WSCD1: variants seen among roughly 807,000 people sequenced by gnomAD.
WSCD1 encodes WSC domain sialate O sulfotransferase 1.
Under a neutral mutation model 60.4 loss-of-function variants are expected in WSCD1, and 41 were observed. The observed-to-expected ratio is 0.68, with a 90% CI of 0.53 to 0.88. WSCD1 has a LOEUF of 0.88. Ranked by LOEUF, WSCD1 falls within the 40% of genes least tolerant of loss-of-function variation. The pLI, the probability that WSCD1 is intolerant of heterozygous loss-of-function variation, is 0.00. For missense variants in WSCD1, 784 were observed against 796.2 expected (o/e 0.98, Z 0.18); for synonymous variants, 361 against 332.5 (o/e 1.09, Z -0.93).
intron 2 of WSCD1, among the ~76,000 whole-genome samples, chr17:6,083,351 C>A (rs1053106867): frequency 6.6e-6 from 1 of 152,212 alleles, no homozygotes; most frequent in Non-Finnish European, 1.5e-5. Flanking sequence ...ACGTGTGCAC[C>A]TCACTGTGCC....
In WSCD1 at chr17:6,120,464, T is replaced by A; in HGVS notation, c.1531T>A (p.Ser511Thr). Residue 511 changes from serine to threonine, a missense_variant, in exon 9 of 9, where the codon TCT becomes ACT. Coordinates refer to ENST00000317744, the MANE Select transcript of WSCD1 (RefSeq NM_015253.2). Reference protein sequence around the residue: ...LREMVAFLNVSVSEERLLCVE... With the variant: ...LREMVAFLNVTVSEERLLCVE... Reference sequence around the variant, plus strand: ...GGAGATGGTGGCCTTCCTCAACGTGTCTGTGAGCGAGGAGCGGCTGCTCTG... The same window carrying A: ...GGAGATGGTGGCCTTCCTCAACGTGACTGTGAGCGAGGAGCGGCTGCTCTG... 1 of 1,613,992 alleles carries A rather than the reference T, an allele frequency of 6.2e-7. No individual in the cohort carries two copies. The highest frequency in any genetic ancestry group is 8.5e-7 in the Non-Finnish European group (1 of 1,179,972).
At position 6,110,658 on chromosome 17, in the gene WSCD1, C is replaced by T; in HGVS notation, c.1010-113C>T. ...TCTTCCCTTCTTTGGGCCTTGGTTCCCCCATCTATTAAATGGGAGTCTTCG... is the reference window on the plus strand; with the variant it reads ...TCTTCCCTTCTTTGGGCCTTGGTTCTCCCATCTATTAAATGGGAGTCTTCG... On this transcript the variant is annotated intron_variant, in intron 6 of 8. Coordinates refer to ENST00000317744, the MANE Select transcript of WSCD1 (RefSeq NM_015253.2). The surrounding 1 kb of genome is among the most constrained non-coding windows in gnomAD (Gnocchi z 4.8). The T allele has an allele frequency of 7.4e-7, 1 of 1,347,098 alleles. No homozygotes were observed. Among genetic ancestry groups the T allele is most frequent in the Non-Finnish European group, 1.0e-6 (1 of 981,700 alleles). 83.4% of individuals were successfully genotyped at this position (1,347,098 alleles called of 1,614,324 possible).
chr17:6,095,310 G>T, intron 5 of WSCD1, 87 bp downstream of exon 5: 1 of 1,469,698 alleles, frequency 6.8e-7, no homozygotes, highest in Non-Finnish European at 9.0e-7. Context: ...TGGGCTGCGG[G>T]TGTCCCCTCT....
chr17:6,085,657 C>T (rs953922207), intron 2 of WSCD1, among the ~76,000 whole-genome samples: 1 of 152,166 alleles, frequency 6.6e-6, no homozygotes, highest in African/African-American at 2.4e-5. Flanking sequence ...TGAGCCCAAG[C>T]ACCTTGAAAA....
At chr17:6,113,092 A>G (rs1286588953) in intron 7 of WSCD1, among the ~76,000 whole-genome samples, 1 of 152,180 alleles carries the variant, frequency 6.6e-6, no homozygotes, top group Non-Finnish European at 1.5e-5. Context: ...CTGCTACAAA[A>G]ACAGATGCAT....
rs368910216 is a variant in WSCD1 at position 6,118,206 on chromosome 17, G to A, written c.1375+18G>A. On this transcript the variant is annotated intron_variant, in intron 8 of 8. Coordinates refer to ENST00000317744, the MANE Select transcript of WSCD1 (RefSeq NM_015253.2). The surrounding 1 kb of genome is among the most constrained non-coding windows in gnomAD (Gnocchi z 5.8). ...GAGCAAAGGTAATCAAGGACCTTGC[G>A]GTGGGGGTGGGAGGCTTGTCAGTAC... 61 of 1,612,400 alleles carry A rather than the reference G, an allele frequency of 3.8e-5. No individual in the cohort carries two copies. Among genetic ancestry groups the A allele is most frequent in the East Asian group, 4.5e-5 (2 of 44,862 alleles).
At chr17:6,119,408 A>G (rs1013588600) in intron 8 of WSCD1, among the ~76,000 whole-genome samples, 1 of 152,170 alleles carries the variant, frequency 6.6e-6, no homozygotes, top group Non-Finnish European at 1.5e-5. Flanking sequence ...TTGGGTGGTG[A>G]CGAATAGAGT....
rs773168737 is a variant in WSCD1, at chr17:6,118,011, T to A, written c.1198T>A (p.Trp400Arg). Reference sequence around the variant, plus strand: ...AGGGTTCAAGGGCGAAAAGGACCACTGGCGGAGCCGACGCACCATCTGTGT... The same window carrying A: ...AGGGTTCAAGGGCGAAAAGGACCACAGGCGGAGCCGACGCACCATCTGTGT... ...NKGFKGEKDH[W>R]RSRRTICVKT... The change falls in exon 8 of 9, where the codon TGG becomes AGG. Residue 400 changes from tryptophan (W) to arginine (R), a missense_variant. Transcript: ENST00000317744. This position sits in a 1 kb window ranked among gnomAD's most constrained non-coding sequence, Gnocchi z 5.8. The A allele has an allele frequency of 6.2e-7, 1 of 1,613,858 alleles. No individual in the cohort carries two copies. The highest frequency in any genetic ancestry group is 1.3e-5 in the African/African-American group (1 of 74,892).
intron 5 of WSCD1, among the ~76,000 whole-genome samples, chr17:6,105,847 C>G (rs1911058815): frequency 6.6e-6 from 1 of 152,196 alleles, no homozygotes; most frequent in Admixed American, 6.5e-5. Context: ...AATCCCAGGA[C>G]AGCAGAGCCC....
chr17:6,115,889 C>A (rs1031388581), intron 7 of WSCD1, among the ~76,000 whole-genome samples: 2 of 152,128 alleles, frequency 1.3e-5, no homozygotes, highest in African/African-American at 4.8e-5. Context: ...AACCACCATG[C>A]CTAGCCCATT....
Position 6,121,035 on chromosome 17 carries a change from G to T in WSCD1, c.*374G>T, listed in dbSNP as rs1016742365. On this transcript the variant is annotated 3_prime_UTR_variant, in exon 9 of 9. Coordinates refer to ENST00000317744, the MANE Select transcript of WSCD1 (RefSeq NM_015253.2). ...GCCGTGTGCTCCTGGAGGCTGGCTG[G>T]CTGTCTCTCTCACACAGATACACGT... The T allele has an allele frequency of 4.0e-6, 1 of 252,346 alleles. No homozygotes were observed. Among genetic ancestry groups the T allele is most frequent in the South Asian group, 6.2e-5 (1 of 16,012 alleles). The allele number at this position is 252,346 out of a possible 1,614,324, so 15.6% of individuals were successfully genotyped here.
chr17:6,087,143 T>C (rs1437873116), intron 2 of WSCD1, among the ~76,000 whole-genome samples: 1 of 152,188 alleles, frequency 6.6e-6, no homozygotes, highest in African/African-American at 2.4e-5. Context: ...TTCAAAACAC[T>C]GGTGCGCGTG....
At chr17:6,113,246 G>A (rs1219924414) in intron 7 of WSCD1, among the ~76,000 whole-genome samples, 1 of 152,200 alleles carries the variant, frequency 6.6e-6, no homozygotes, top group South Asian at 2.1e-4. Flanking sequence ...ATAACCATAT[G>A]CAGAAGACTG....
chr17:6,120,448 G>A lies in WSCD1; in HGVS notation c.1515G>A (p.Val505=). The A allele has an allele frequency of 1.2e-6, 2 of 1,614,054 alleles. No individual in the cohort carries two copies. Among genetic ancestry groups the A allele is most frequent in the Admixed American group, 3.3e-5 (2 of 60,030 alleles). The change falls in exon 9 of 9, where the codon GTG becomes GTA. Residue 505 remains valine, a synonymous_variant. Transcript: ENST00000317744. ...RSLVPTLREM[V]AFLNVSVSEE... is the part of the protein sequence containing the mutation. ...TGGTGCCCACGTTACGGGAGATGGT[G>A]GCCTTCCTCAACGTGTCTGTGAGCG...
rs138301764 is a variant in WSCD1, at chr17:6,103,921, A to G, written c.850-5686A>G. ...TCAATTCAGCTAAATTTAAACTCAC[A>G]CCTATAGACTCCAGAGCCTGTGTTA... On this transcript the variant is annotated intron_variant, in intron 5 of 8. Coordinates refer to ENST00000317744, the MANE Select transcript of WSCD1 (RefSeq NM_015253.2). 3.7e-3 allele frequency among the ~76,000 whole-genome samples: 564 copies of G among 152,216 alleles called. 2 individuals are homozygous for G. The highest frequency in any genetic ancestry group is 0.013 in the African/African-American group (541 of 41,548).
intron 3 of WSCD1, among the ~76,000 whole-genome samples, chr17:6,090,000 C>G (rs1166508411): frequency 6.6e-6 from 1 of 152,146 alleles, no homozygotes; most frequent in African/African-American, 2.4e-5. Flanking sequence ...AGTCCGTTTC[C>G]TGACTCCAGA....
intron 7 of WSCD1, among the ~76,000 whole-genome samples, chr17:6,111,145 C>T (rs937092601): frequency 2.6e-5 from 4 of 152,080 alleles, no homozygotes; most frequent in African/African-American, 4.8e-5. Context: ...AACAAAGTTA[C>T]GCCATTGTAT....
intron 3 of WSCD1, among the ~76,000 whole-genome samples, chr17:6,088,824 C>G (rs1909828930): frequency 6.7e-6 from 1 of 149,348 alleles, no homozygotes. Context: ...GCTCTGTTGC[C>G]CAGGCTGGAG....
At chr17:6,120,166 C>T (rs1324185073) in intron 8 of WSCD1, 143 bp from the exon 9 acceptor site, 1 of 917,038 alleles carries the variant, frequency 1.1e-6, no homozygotes, top group Non-Finnish European at 1.7e-6. Context: ...AAAGGGTCCT[C>T]CTCCATGGGG....
Sources: allele counts gnomAD v4.1 joint callset (sites outside exome capture counted in the v4.1 genomes callset), GRCh38; gene constraint gnomAD v4.1.1; non-coding constraint Gnocchi (gnomAD v3.1); transcripts MANE v1.5; gene names NCBI Gene and HGNC (gene_info 2026-07-23, HGNC 2026-07-21).